Variants in PCDHGB1 observed in about 807,000 individuals in gnomAD.
PCDHGB1 encodes the protein protocadherin gamma subfamily B, 1.
PCDHGB1 carries 34 observed loss-of-function variants against 56.6 expected under a neutral mutation model. The observed-to-expected ratio is 0.60, with a 90% CI of 0.46 to 0.80. The LOEUF is 0.80. Ranked by LOEUF, PCDHGB1 falls within the 30% of genes least tolerant of loss-of-function variation. The probability of loss-of-function intolerance (pLI) is 0.00; values close to 1 mark genes in which losing one functional copy is unlikely to be tolerated. For synonymous variants in PCDHGB1, 561 were observed against 505.9 expected (o/e 1.11, Z -1.46); for missense variants, 1,278 against 1,204.6 (o/e 1.06, Z -0.90).
In PCDHGB1 at chr5:141,431,892, A is replaced by G. The variant is rs1456048000; in HGVS notation, c.2410-62915A>G. The G allele has an allele frequency of 2.1e-5, 34 of 1,614,054 alleles. No homozygotes were observed. Among genetic ancestry groups the G allele is most frequent in the Non-Finnish European group, 2.7e-5 (32 of 1,179,972 alleles). ...AATGTAAATGACCAAGATTCTGAGG[A>G]AAACGGACAGGTGATCTGTTTCATC... is the stretch of plus-strand genomic sequence containing the variant. On this transcript the variant is annotated intron_variant, in intron 1 of 3. Transcript: ENST00000523390. The surrounding 1 kb of genome is among the most constrained non-coding windows in gnomAD (Gnocchi z 4.8).
chr5:141,355,618 A>G (rs1759917068), intron 1 of PCDHGB1: 1 of 1,613,896 alleles, frequency 6.2e-7, no homozygotes, highest in Admixed American at 1.7e-5. Context: ...ACAGAGGGAA[A>G]TAAAAGTTGC....
rs201022238 is a variant in PCDHGB1 at position 141,415,678 on chromosome 5, G to A, written c.2409+63009G>A. 470 of 1,555,406 alleles carry A rather than the reference G, an allele frequency of 3.0e-4. 2 individuals carry two copies. In the African/African-American group the frequency reaches 5.9e-3, roughly 20 times the overall value. ...GATTGGTTTTTACTTTGAAGTTTGC[G>A]GCATGATGGTGGAAAGTGTAAATGC... On this transcript the variant is annotated intron_variant, in intron 1 of 3. Coordinates refer to ENST00000523390, the MANE Select transcript of PCDHGB1 (RefSeq NM_018922.3).
In PCDHGB1 at chr5:141,360,167, T is replaced by G. The variant is rs937249062; in HGVS notation, c.2409+7498T>G. The stretch of plus-strand genomic sequence containing the variant: ...GCGAGCTCAGGGAGGTGCGGGCTGG[T>G]GCGGTGGCTGCAGGTACTGTTGCCC... On this transcript the variant is annotated intron_variant, in intron 1 of 3. Transcript: ENST00000523390. 3 of 1,607,514 alleles carry G rather than the reference T, an allele frequency of 1.9e-6. No homozygotes were observed. The African/African-American group carries it at 4.0e-5, about 22-fold the overall frequency.
Position 141,489,902 on chromosome 5 carries a change from C to A in PCDHGB1, c.2410-4905C>A. ...ACTGCTGTGGATGGGGGGACCCCAGCCCGCTCAGGGACCACCCTTATCTCT... is the reference window on the plus strand; with the variant it reads ...ACTGCTGTGGATGGGGGGACCCCAGACCGCTCAGGGACCACCCTTATCTCT... On this transcript the variant is annotated intron_variant, in intron 1 of 3. Transcript: ENST00000523390. The surrounding 1 kb of genome is among the most constrained non-coding windows in gnomAD (Gnocchi z 4.5). 1 of 1,614,218 alleles carries A rather than the reference C, an allele frequency of 6.2e-7. No individual in the cohort carries two copies. The highest frequency in any genetic ancestry group is 8.5e-7 in the Non-Finnish European group (1 of 1,180,032).
chr5:141,364,637 G>A lies in PCDHGB1; in HGVS notation c.2409+11968G>A, dbSNP rs979445562. ...GCTCTGCGCTCAGAGCCCACTGTGT[G>A]TGGTGAACTTTAACATCTTGGTTGA... is the stretch of plus-strand genomic sequence containing the variant. On this transcript the variant is annotated intron_variant, in intron 1 of 3. Transcript: ENST00000523390. 1.7e-5 allele frequency: 28 copies of A among 1,614,030 alleles called. No homozygotes were observed. Among genetic ancestry groups the A allele is most frequent in the Non-Finnish European group, 2.4e-5 (28 of 1,179,966 alleles).
intron 1 of PCDHGB1, chr5:141,426,765 G>A (rs1343961009): frequency 1.8e-5 from 8 of 456,530 alleles, no homozygotes; most frequent in Non-Finnish European, 3.5e-5. Flanking sequence ...AGATGCAGAT[G>A]TAGGGCCTCA....
In PCDHGB1 at chr5:141,351,061, T is replaced by C. The variant is rs1474719299; in HGVS notation, c.801T>C (p.Asp267=). 2 of 1,614,060 alleles carry C rather than the reference T, an allele frequency of 1.2e-6. No individual in the cohort carries two copies. The highest frequency in any genetic ancestry group is 1.1e-5 in the South Asian group (1 of 91,092). Residue 267 remains aspartate (D), a synonymous_variant, in exon 1 of 4, where the codon GAT becomes GAC. Coordinates refer to ENST00000523390, the MANE Select transcript of PCDHGB1 (RefSeq NM_018922.3). ...TGCGGGTGATGGCCACAGACCAGGA[T>C]GAGGGCATTAATGCAGAGATCACCT... ...SVLRVMATDQ[D]EGINAEITYA... is the part of the protein sequence containing the mutation.
chr5:141,506,209 G>A (rs549403288), intron 3 of PCDHGB1, among the ~76,000 whole-genome samples: 3 of 152,284 alleles, frequency 2.0e-5, no homozygotes, highest in African/African-American at 7.2e-5. Context: ...CCAGCACTTT[G>A]GGAAGCTGAG....
At position 141,399,956 on chromosome 5, in the gene PCDHGB1, C is replaced by T. The variant is rs760477759; in HGVS notation, c.2409+47287C>T. On this transcript the variant is annotated intron_variant, in intron 1 of 3. Coordinates refer to ENST00000523390, the MANE Select transcript of PCDHGB1 (RefSeq NM_018922.3). ...TACCACGTGCTGCAGGCTAGCGAGC[C>T]CGGGCTCTTCAGCCTGGGGCTGCGC... is the stretch of plus-strand genomic sequence containing the variant. 106 of 1,612,048 alleles carry T rather than the reference C, an allele frequency of 6.6e-5. No homozygotes were observed. Among genetic ancestry groups the T allele is most frequent in the Middle Eastern group, 1.9e-4 (1 of 5,240 alleles).
chr5:141,389,622 G>C, intron 1 of PCDHGB1: 1 of 1,612,970 alleles, frequency 6.2e-7, no homozygotes, highest in South Asian at 1.1e-5. Context: ...GCCGCACGCT[G>C]CAGAGCCTGG....
chr5:141,466,195 C>G (rs1269214888), intron 1 of PCDHGB1, among the ~76,000 whole-genome samples: 1 of 151,748 alleles, frequency 6.6e-6, no homozygotes, highest in Non-Finnish European at 1.5e-5. Flanking sequence ...TTTTCAGACA[C>G]AGCCTTGCTC....
At chr5:141,478,039 G>A (rs764777183) in intron 1 of PCDHGB1, 29 of 1,613,978 alleles carry the variant, frequency 1.8e-5, no homozygotes, top group Non-Finnish European at 2.5e-5. Flanking sequence ...ATTCACCCAG[G>A]CAGACTCTCA....
intron 1 of PCDHGB1, chr5:141,410,511 G>C (rs755576652): frequency 6.2e-7 from 1 of 1,613,824 alleles, no homozygotes; most frequent in Non-Finnish European, 8.5e-7. Flanking sequence ...CTAAAATGCA[G>C]TGTGCCCCTA....
chr5:141,361,652 C>T (rs1226356152), intron 1 of PCDHGB1: 16 of 1,613,788 alleles, frequency 9.9e-6, no homozygotes, highest in East Asian at 2.2e-5. Context: ...TCCTACGTGT[C>T]CGTGAGCGCG....
chr5:141,376,590 G>A (rs569935512), intron 1 of PCDHGB1: 9 of 1,570,160 alleles, frequency 5.7e-6, no homozygotes, highest in South Asian at 4.7e-5. Context: ...CAGCTAGATC[G>A]GCTGTTATAG....
At chr5:141,400,459 G>C (rs1287515286) in intron 1 of PCDHGB1, 1 of 1,614,072 alleles carries the variant, frequency 6.2e-7, no homozygotes, top group Admixed American at 1.7e-5. Flanking sequence ...CATACTTTGT[G>C]GTGATTCATC....
At chr5:141,375,769 C>G in intron 1 of PCDHGB1, 2 of 1,614,238 alleles carry the variant, frequency 1.2e-6, no homozygotes, top group Non-Finnish European at 1.7e-6. Context: ...CGCCCGAGAT[C>G]CTGTACCCCG....
chr5:141,357,363 G>T (rs1169446996), intron 1 of PCDHGB1: 1 of 1,614,040 alleles, frequency 6.2e-7, no homozygotes, highest in African/African-American at 1.3e-5. Context: ...GCTGGCACAA[G>T]TCACGCCTGC....
At chr5:141,384,919 G>C in intron 1 of PCDHGB1, 1 of 1,613,976 alleles carries the variant, frequency 6.2e-7, no homozygotes, top group Non-Finnish European at 8.5e-7. Context: ...AGTCTTGGCC[G>C]ACCTGGGCAG....
Sources: gnomAD v4.1 joint callset for allele counts (sites outside exome capture counted in the v4.1 genomes callset) on GRCh38, gnomAD v4.1.1 for gene constraint, Gnocchi (gnomAD v3.1) non-coding constraint, MANE v1.5 for transcripts, NCBI Gene and HGNC (gene_info 2026-07-23, HGNC 2026-07-21) for gene names.